The following FAH variants were observed in gnomAD, a reference collection of about 807,000 sequenced individuals.
The protein encoded by FAH is fumarylacetoacetase.
Under a neutral mutation model 55.8 loss-of-function variants are expected in FAH, and 47 were observed. The observed-to-expected ratio is 0.84, with a 90% CI of 0.67 to 1.07. FAH has a LOEUF of 1.07. Among genes scored for constraint, FAH ranks in the 50% least tolerant of loss-of-function variants. The pLI, the probability that FAH is intolerant of heterozygous loss-of-function variation, is 0.00. For synonymous variants in FAH, 199 were observed against 207.7 expected, an observed-to-expected ratio of 0.96 and a Z score of 0.36; for missense variants, 495 against 545.9, an observed-to-expected ratio of 0.91 and a Z score of 0.93.
chr15:80,165,460 G>A (rs185924776), intron 5 of FAH, among the ~76,000 whole-genome samples: 14 of 152,056 alleles, frequency 9.2e-5, no homozygotes, highest in Admixed American at 2.0e-4. Flanking sequence ...CCTGGGAGGC[G>A]GAGGTTGCAG....
chr15:80,154,577 A>G (rs1051397331), intron 1 of FAH, among the ~76,000 whole-genome samples: 12 of 152,330 alleles, frequency 7.9e-5, no homozygotes, highest in African/African-American at 2.4e-4. Flanking sequence ...CTCTGCAGGC[A>G]TTGGACATTC....
At chr15:80,175,529 C>T (rs147629912) in intron 10 of FAH, among the ~76,000 whole-genome samples, 4 of 152,268 alleles carry the variant, frequency 2.6e-5, no homozygotes, top group Non-Finnish European at 2.9e-5. Context: ...ACAGAGCCAG[C>T]GCATCAAGAC....
Position 80,181,150 on chromosome 15 carries a change from A to T in FAH, c.1171A>T (p.Ile391Phe), listed in dbSNP as rs151017896. The stretch of plus-strand genomic sequence containing the variant: ...GTTTCTGCTGGACGGGGATGAAGTC[A>T]TCATAACAGGTGAGGGCTGCCAAAC... ...RKFLLDGDEVIITGYCQGDGY... is the reference protein window; with the variant it reads ...RKFLLDGDEVFITGYCQGDGY... Residue 391 changes from isoleucine (I) to phenylalanine (F), a missense_variant, in exon 13 of 14, where the codon ATC (isoleucine) becomes TTC (phenylalanine). Ile to Phe is a conservative substitution (Grantham distance 21). Coordinates refer to ENST00000561421, the MANE Select transcript of FAH (RefSeq NM_000137.4). 6.2e-7 allele frequency: 1 copy of T among 1,611,062 alleles called. No individual in the cohort carries two copies. The highest frequency in any genetic ancestry group is 8.5e-7 in the Non-Finnish European group (1 of 1,177,398).
At chr15:80,175,600 C>G (rs1223799360) in intron 10 of FAH, among the ~76,000 whole-genome samples, 1 of 152,150 alleles carries the variant, frequency 6.6e-6, no homozygotes, top group Non-Finnish European at 1.5e-5. Flanking sequence ...GATCCCCACC[C>G]TGGGCCAGCC....
intron 9 of FAH, among the ~76,000 whole-genome samples, chr15:80,174,184 A>G (rs1259016720): frequency 3.3e-5 from 5 of 152,202 alleles, no homozygotes; most frequent in African/African-American, 9.6e-5. Flanking sequence ...TCTAGCTGGC[A>G]GCGGCCTTGT....
rs766178166 is a variant in FAH at position 80,168,081 on chromosome 15, G to A, written c.485G>A (p.Arg162His). 1.1e-5 allele frequency: 18 copies of A among 1,614,070 alleles called. No homozygotes were observed. The highest frequency in any genetic ancestry group is 7.7e-5 in the South Asian group (7 of 91,080). ...CACTTACCAGTGGGCTACCATGGCC[G>A]TGCCTCCTCTGTCGTGGTGTCTGGC... ...WLHLPVGYHG[R>H]ASSVVVSGTP... Residue 162 changes from arginine to histidine, a missense_variant, in exon 6 of 14, where the codon CGT becomes CAT. Coordinates refer to ENST00000561421, the MANE Select transcript of FAH (RefSeq NM_000137.4).
intron 5 of FAH, among the ~76,000 whole-genome samples, chr15:80,165,418 C>T (rs1444821553): frequency 6.6e-6 from 1 of 151,804 alleles, no homozygotes; most frequent in African/African-American, 2.4e-5. Context: ...ATTTCAGCTA[C>T]TTGGGAGGCT....
chr15:80,173,127 G>A lies in FAH; in HGVS notation c.820G>A (p.Val274Met), dbSNP rs775156172. Residue 274 changes from valine (V) to methionine (M), a missense_variant, in exon 9 of 14, where the codon GTG becomes ATG. Physicochemically the swap from Val to Met is conservative, Grantham distance 21. Transcript: ENST00000561421. Reference sequence around the variant, plus strand: ...CATGGATGCTCTCATGCCCTTTGCTGTGCCCAACCCGAAGCAGGTAAGCAC... The same window carrying A: ...CATGGATGCTCTCATGCCCTTTGCTATGCCCAACCCGAAGCAGGTAAGCAC... Reference protein sequence around the residue: ...VPMDALMPFAVPNPKQDPRPL... With the variant: ...VPMDALMPFAMPNPKQDPRPL... 6.2e-7 allele frequency: 1 copy of A among 1,614,106 alleles called. No homozygotes were observed. Among genetic ancestry groups the A allele is most frequent in the African/African-American group, 1.3e-5 (1 of 74,928 alleles).
At chr15:80,161,057 C>T (rs907958007) in intron 4 of FAH, among the ~76,000 whole-genome samples, 5 of 152,110 alleles carry the variant, frequency 3.3e-5, no homozygotes, top group East Asian at 1.9e-4. Context: ...TCCTGCTGTC[C>T]GGGGAGAGTC....
intron 11 of FAH, among the ~76,000 whole-genome samples, chr15:80,177,860 C>T (rs2041297577): frequency 6.6e-6 from 1 of 152,162 alleles, no homozygotes; most frequent in African/African-American, 2.4e-5. Context: ...CTGCCAGGGG[C>T]TGTATTGATG....
At chr15:80,173,411 G>A (rs1385309415) in intron 9 of FAH, 14 of 551,368 alleles carry the variant, frequency 2.5e-5, no homozygotes, top group Non-Finnish European at 3.9e-5. Context: ...TGCAAGACCC[G>A]GGGGATCTGG....
chr15:80,162,283 T>C lies in FAH; in HGVS notation c.402T>C (p.Ala134=). 1 of 1,614,262 alleles carries C rather than the reference T, an allele frequency of 6.2e-7. No individual in the cohort carries two copies. The highest frequency in any genetic ancestry group is 8.5e-7 in the Non-Finnish European group (1 of 1,180,038). ...ACTTCTATTCCTCTCGGCAGCATGCTACCAACGTCGGAATCATGTTCAGGG... is the reference window on the plus strand; with the variant it reads ...ACTTCTATTCCTCTCGGCAGCATGCCACCAACGTCGGAATCATGTTCAGGG... ...YTDFYSSRQH[A]TNVGIMFRDK... The change falls in exon 5 of 14, where the codon GCT becomes GCC. Residue 134 remains alanine (A), a synonymous_variant. Coordinates refer to ENST00000561421, the MANE Select transcript of FAH (RefSeq NM_000137.4).
intron 13 of FAH, among the ~76,000 whole-genome samples, chr15:80,185,696 A>T (rs1190665690): frequency 1.3e-5 from 2 of 152,250 alleles, no homozygotes; most frequent in Non-Finnish European, 2.9e-5. Flanking sequence ...GAAACCGCTT[A>T]TAAAAACATC....
At position 80,172,150 on chromosome 15, in the gene FAH, C is replaced by CT. The variant is rs1057517084; in HGVS notation, c.615dup (p.Val206CysfsTer18). The stretch of plus-strand genomic sequence containing the variant: ...CTAATGAACTCTCCCCCATGTAAGG[C>CT]TTTTTTTGTAGGCCCTGGAAACAGA... On this transcript the variant is annotated frameshift_variant and splice_region_variant, in exon 8 of 14. Coordinates refer to ENST00000561421, the MANE Select transcript of FAH (RefSeq NM_000137.4). LOFTEE classifies it high-confidence loss of function. 6.8e-6 allele frequency: 11 copies of CT among 1,612,596 alleles called. No homozygotes were observed. The highest frequency in any genetic ancestry group is 1.1e-5 in the South Asian group (1 of 91,054).
chr15:80,167,066 T>G (rs536270289), intron 5 of FAH: 2 of 152,164 alleles, frequency 1.3e-5, no homozygotes, highest in South Asian at 4.1e-4. Context: ...TGTTTTTTTT[T>G]TCTAGTGCCT....
chr15:80,158,141 C>G lies in FAH; in HGVS notation c.163C>G (p.Leu55Val). The G allele has an allele frequency of 4.3e-6, 7 of 1,613,950 alleles. No individual in the cohort carries two copies. Among genetic ancestry groups the G allele is most frequent in the Non-Finnish European group, 5.9e-6 (7 of 1,179,792 alleles). The change falls in exon 2 of 14, where the codon CTC becomes GTC. Residue 55 changes from leucine (L) to valine (V), a missense_variant. Coordinates refer to ENST00000561421, the MANE Select transcript of FAH (RefSeq NM_000137.4). Reference protein sequence around the residue: ...IIKHLFTGPVLSKHQDVFNQP... With the variant: ...IIKHLFTGPVVSKHQDVFNQP... ...CAAGCACCTCTTTACTGGTCCTGTC[C>G]TCTCCAAACACCAGGATGTCTTCAA...
At chr15:80,160,329 G>T in intron 3 of FAH, 81 bp from the exon 4 acceptor site, 1 of 1,389,190 alleles carries the variant, frequency 7.2e-7, no homozygotes, top group Non-Finnish European at 1.0e-6. Flanking sequence ...GATAATCTTG[G>T]GGATGGTCTG....
At chr15:80,183,678 C>G (rs1027961430) in intron 13 of FAH, among the ~76,000 whole-genome samples, 1 of 152,226 alleles carries the variant, frequency 6.6e-6, no homozygotes, top group Non-Finnish European at 1.5e-5. Context: ...CCATTGGAAA[C>G]GCGATAGAAC....
chr15:80,177,579 T>G lies in FAH; in HGVS notation c.956T>G (p.Phe319Cys). Residue 319 changes from phenylalanine to cysteine, a missense_variant, in exon 11 of 14, where the codon TTT (phenylalanine) becomes TGT (cysteine). Coordinates refer to ENST00000561421, the MANE Select transcript of FAH (RefSeq NM_000137.4). ...SQAATICKSN[F>C]KYMYWTMLQQ... ...GCGGCTACCATATGCAAGTCCAATT[T>G]TAAGGTAAGCTTTGACGCTGATCAG... is the stretch of plus-strand genomic sequence containing the variant. The G allele has an allele frequency of 6.2e-7, 1 of 1,613,868 alleles. No individual in the cohort carries two copies. Among genetic ancestry groups the G allele is most frequent in the South Asian group, 1.1e-5 (1 of 91,082 alleles).
Sources: allele counts gnomAD v4.1 joint callset (sites outside exome capture counted in the v4.1 genomes callset), GRCh38; gene constraint gnomAD v4.1.1; transcripts MANE v1.5; gene names NCBI Gene and HGNC (gene_info 2026-07-23, HGNC 2026-07-21).